CECR2: variants seen among roughly 807,000 people sequenced by gnomAD.
CECR2 encodes chromatin remodeling regulator CECR2.
A neutral mutation model predicts 154.5 loss-of-function variants in CECR2; 30 were observed. The observed-to-expected ratio is 0.19, with a 90% CI of 0.15 to 0.26. The LOEUF (loss-of-function observed/expected upper bound fraction) is 0.26, where lower values mean the gene tolerates loss of function less well. Among genes scored for constraint, CECR2 ranks in the 10% least tolerant of loss-of-function variants. The pLI is 1.00. For synonymous variants in CECR2, 725 were observed against 683.7 expected, an observed-to-expected ratio of 1.06 and a Z score of -0.94; for missense variants, 1,743 against 1,829.3, an observed-to-expected ratio of 0.95 and a Z score of 0.86.
chr22:17,520,671 G>A (rs1182789538), intron 8 of CECR2, among the ~76,000 whole-genome samples: 1 of 151,990 alleles, frequency 6.6e-6, no homozygotes, highest in Non-Finnish European at 1.5e-5. Context: ...GAGAACATGC[G>A]GTGTTTGGTT....
intron 1 of CECR2, among the ~76,000 whole-genome samples, chr22:17,422,780 G>A (rs765888061): frequency 2.9e-4 from 43 of 150,066 alleles, no homozygotes; most frequent in Non-Finnish European, 4.4e-4. Context: ...TTTTTTCAGC[G>A]GTGTCCACTC....
In CECR2 at chr22:17,519,876, C is replaced by T. The variant is rs560558202; in HGVS notation, c.955-4242C>T. 3.3e-5 allele frequency among the ~76,000 whole-genome samples: 5 copies of T among 151,646 alleles called. No homozygotes were observed. In the East Asian group the frequency reaches 7.8e-4, roughly 24 times the overall value. The stretch of plus-strand genomic sequence containing the variant: ...CACAATCTTGGTTCACTGCAACCTC[C>T]GCCTCCCAGGTTCAAGCGATTTTCC... On this transcript the variant is annotated intron_variant, in intron 8 of 18. Coordinates refer to ENST00000262608, the MANE Select transcript of CECR2 (RefSeq NM_001290047.2).
In CECR2 at chr22:17,414,252, G is replaced by C. The variant is rs2905578; in HGVS notation, c.126+44343G>C. On this transcript the variant is annotated intron_variant, in intron 1 of 18. Coordinates refer to ENST00000262608, the MANE Select transcript of CECR2 (RefSeq NM_001290047.2). ...CTCCCAAAGTGCTGGGATTACAGGC[G>C]TGAGCCACTGCGCCCGGCGGAAGGA... 7.3e-3 allele frequency among the ~76,000 whole-genome samples: 1,101 copies of C among 151,434 alleles called. 8 individuals are homozygous for C. The highest frequency in any genetic ancestry group is 0.017 in the Middle Eastern group (5 of 290).
At chr22:17,453,442 C>CA (rs1014207928) in intron 1 of CECR2, among the ~76,000 whole-genome samples, 10 of 150,708 alleles carry the variant, frequency 6.6e-5, no homozygotes, top group East Asian at 1.9e-4. Context: ...AATTCCATCT[C>CA]AAAAAAAAGA....
chr22:17,456,058 T>G (rs1242443248), intron 1 of CECR2, among the ~76,000 whole-genome samples: 1 of 152,204 alleles, frequency 6.6e-6, no homozygotes, highest in Admixed American at 6.5e-5. Flanking sequence ...CATTGTATTT[T>G]AAATATTTAA....
At chr22:17,535,419 C>G (rs1315167671) in intron 9 of CECR2, among the ~76,000 whole-genome samples, 1 of 152,102 alleles carries the variant, frequency 6.6e-6, no homozygotes, top group African/African-American at 2.4e-5. Context: ...TCTGGTCATT[C>G]TGCTGCTGGG....
intron 1 of CECR2, among the ~76,000 whole-genome samples, chr22:17,407,453 G>A (rs2054001555): frequency 6.6e-6 from 1 of 152,162 alleles, no homozygotes; most frequent in African/African-American, 2.4e-5. Flanking sequence ...AAATTCGCCA[G>A]GCACGGTGGC....
At chr22:17,550,005 A>T (rs1374279722) in intron 17 of CECR2, among the ~76,000 whole-genome samples, 1 of 151,746 alleles carries the variant, frequency 6.6e-6, no homozygotes, top group East Asian at 1.9e-4. Flanking sequence ...AAAATATGTG[A>T]ATTATTGATG....
chr22:17,478,813 C>T (rs1256536378), intron 2 of CECR2, among the ~76,000 whole-genome samples: 1 of 152,138 alleles, frequency 6.6e-6, no homozygotes, highest in African/African-American at 2.4e-5. Context: ...AGAGTTATTG[C>T]TCGTGCACTA....
intron 1 of CECR2, among the ~76,000 whole-genome samples, chr22:17,404,016 TTGGGAGATG>T (rs1263905195): frequency 0.52 from 79,375 of 151,198 alleles, 21,193 homozygotes; most frequent in Non-Finnish European, 0.57. Context: ...TCCTAGCACT[TTGGGAGATG>T]GAGTCAGGAG....
chr22:17,486,239 C>T (rs2055417932), intron 2 of CECR2, among the ~76,000 whole-genome samples: 1 of 152,108 alleles, frequency 6.6e-6, no homozygotes, highest in East Asian at 1.9e-4. Context: ...TATTTTTTTA[C>T]CTGAGGAAGC....
intron 2 of CECR2, among the ~76,000 whole-genome samples, chr22:17,496,397 G>A (rs1232326890): frequency 6.6e-6 from 1 of 152,012 alleles, no homozygotes; most frequent in Admixed American, 6.6e-5. Flanking sequence ...CTACTCGGGA[G>A]GCTGAGGCAG....
In CECR2 at chr22:17,542,360, G is replaced by T. The variant is rs577436307; in HGVS notation, c.2217G>T (p.Gly739=). 2.5e-5 allele frequency: 41 copies of T among 1,613,702 alleles called. No homozygotes were observed. The highest frequency in any genetic ancestry group is 1.6e-4 in the Middle Eastern group (1 of 6,084). ...CAGGATTCATTCCTCCCCGGCATGG[G>T]GGGGCTCCAGCCCGGCCACCAGACT... ...FQPGFIPPRH[G]GAPARPPDFP... Residue 739 remains glycine (G), a synonymous_variant, in exon 16 of 19, where the codon GGG becomes GGT. Coordinates refer to ENST00000262608, the MANE Select transcript of CECR2 (RefSeq NM_001290047.2).
intron 2 of CECR2, among the ~76,000 whole-genome samples, chr22:17,482,775 T>TG (rs1241826516): frequency 2.0e-5 from 3 of 150,980 alleles, no homozygotes; most frequent in Non-Finnish European, 3.0e-5. Context: ...TTTTTTTTTT[T>TG]TTTTGAGACG....
At chr22:17,380,329 T>C (rs1006986279) in intron 1 of CECR2, among the ~76,000 whole-genome samples, 1 of 152,198 alleles carries the variant, frequency 6.6e-6, no homozygotes, top group Non-Finnish European at 1.5e-5. Flanking sequence ...TGTAATATGG[T>C]TTATGCAAAA....
intron 2 of CECR2, among the ~76,000 whole-genome samples, chr22:17,481,822 C>T (rs1040173615): frequency 2.0e-5 from 3 of 152,074 alleles, no homozygotes; most frequent in Admixed American, 6.6e-5. Flanking sequence ...CATATAAAGA[C>T]CTAGCACTTA....
chr22:17,419,546 AGAGGAGGAGGAGGAGGAG>A (rs202213584), intron 1 of CECR2: 20 of 194,800 alleles, frequency 1.0e-4, no homozygotes, highest in African/African-American at 9.5e-4. Context: ...AGGAAGAGGA[AGAGGAGGAGGAGGAGGAG>A]GAAGAAAAGA....
At chr22:17,537,572 A>G (rs939126442) in intron 10 of CECR2, among the ~76,000 whole-genome samples, 5 of 152,216 alleles carry the variant, frequency 3.3e-5, no homozygotes, top group African/African-American at 4.8e-5. Flanking sequence ...AGTACTAGGT[A>G]CCATTTGTCT....
upstream of CECR2, among the ~76,000 whole-genome samples, chr22:17,368,939 G>A (rs537499675): frequency 1.6e-4 from 24 of 152,212 alleles, no homozygotes; most frequent in South Asian, 1.0e-3. Flanking sequence ...AGCTCCTTGG[G>A]CGCCGTTCTC....
Sources: gnomAD v4.1 joint callset for allele counts (sites outside exome capture counted in the v4.1 genomes callset) on GRCh38, gnomAD v4.1.1 for gene constraint, MANE v1.5 for transcripts, NCBI Gene and HGNC (gene_info 2026-07-23, HGNC 2026-07-21) for gene names.